The following PRCP variants were observed in gnomAD, a reference collection of about 807,000 sequenced individuals.
The protein encoded by PRCP is prolylcarboxypeptidase, also known as lysosomal Pro-X carboxypeptidase.
PRCP carries 46 observed loss-of-function variants against 54.2 expected under a neutral mutation model. The ratio of observed to expected loss-of-function variants is 0.85; its 90% CI spans 0.67 to 1.09. The LOEUF is 1.09. Among genes scored for constraint, PRCP ranks in the 50% least tolerant of loss-of-function variants. The pLI is 0.00. For missense variants in PRCP, 613 were observed against 596.8 expected (o/e 1.03, Z -0.28); for synonymous variants, 240 against 212.2 (o/e 1.13, Z -1.14).
chr11:82,860,231 G>A (rs1859178127), intron 1 of PRCP, 114 bp from the exon 2 acceptor site: 1 of 684,744 alleles, frequency 1.5e-6, no homozygotes, highest in Admixed American at 4.3e-5. Flanking sequence ...ATAATCACAA[G>A]AAATTTTAAA....
At chr11:82,879,723 TG>T (rs1859700734) in intron 1 of PRCP, among the ~76,000 whole-genome samples, 1 of 152,252 alleles carries the variant, frequency 6.6e-6, no homozygotes, top group Non-Finnish European at 1.5e-5. Flanking sequence ...TTGGTGTGGA[TG>T]TCCTTTCTGT....
intron 3 of PRCP, among the ~76,000 whole-genome samples, chr11:82,852,574 T>A (rs1270849556): frequency 6.6e-6 from 1 of 152,202 alleles, no homozygotes; most frequent in Non-Finnish European, 1.5e-5. Context: ...ATAGTACACG[T>A]GGCAAATTAA....
intron 1 of PRCP, among the ~76,000 whole-genome samples, chr11:82,873,082 A>T (rs1350328681): frequency 3.8e-4 from 45 of 117,476 alleles, no homozygotes; most frequent in African/African-American, 1.3e-3. Flanking sequence ...TTTTTTTTAA[A>T]AAAAAAGAAA....
chr11:82,870,759 T>C (rs1859460475), intron 1 of PRCP, among the ~76,000 whole-genome samples: 1 of 152,178 alleles, frequency 6.6e-6, no homozygotes, highest in Non-Finnish European at 1.5e-5. Flanking sequence ...AGCAGATATT[T>C]ACAACCCAGG....
chr11:82,842,782 G>A (rs1858706424), intron 6 of PRCP, among the ~76,000 whole-genome samples: 1 of 151,866 alleles, frequency 6.6e-6, no homozygotes, highest in African/African-American at 2.4e-5. Flanking sequence ...AAATTTTTTT[G>A]CAAAATATTT....
At chr11:82,883,838 G>A (rs1324232647) in intron 1 of PRCP, among the ~76,000 whole-genome samples, 1 of 152,078 alleles carries the variant, frequency 6.6e-6, no homozygotes, top group East Asian at 1.9e-4. Context: ...AAGGGTTGTT[G>A]TTTTTTTAGA....
intron 1 of PRCP, among the ~76,000 whole-genome samples, chr11:82,899,541 T>A (rs1418586020): frequency 6.6e-6 from 1 of 152,194 alleles, no homozygotes; most frequent in Non-Finnish European, 1.5e-5. Flanking sequence ...TACTTTTCCA[T>A]CAAGACCTGT....
At chr11:82,877,897 G>A (rs565531555) in intron 1 of PRCP, among the ~76,000 whole-genome samples, 5 of 152,150 alleles carry the variant, frequency 3.3e-5, no homozygotes, top group Non-Finnish European at 5.9e-5. Context: ...AGCTTGTACC[G>A]TGAGCCTGGA....
At position 82,854,518 on chromosome 11, in the gene PRCP, T is replaced by C. The variant is rs187904242; in HGVS notation, c.310-1240A>G. Among the ~76,000 whole-genome samples the C allele has an allele frequency of 1.1e-3, 170 of 152,062 alleles. 1 individual carries two copies. The highest frequency in any genetic ancestry group is 3.9e-3 in the African/African-American group (161 of 41,470). On this transcript the variant is annotated intron_variant, in intron 2 of 8. Transcript: ENST00000313010. Reference sequence around the variant, plus strand: ...AGGCATCAGAAACAACACAAAGAAATGGAAAGACATTCCATGTTCATACAT... The same window carrying C: ...AGGCATCAGAAACAACACAAAGAAACGGAAAGACATTCCATGTTCATACAT...
At chr11:82,886,006 TATATAGAGCTATCCAAA>T (rs1404395179) in intron 1 of PRCP, among the ~76,000 whole-genome samples, 4 of 152,166 alleles carry the variant, frequency 2.6e-5, no homozygotes, top group African/African-American at 4.8e-5. Context: ...ACTCAATGAA[TATATAGAGCTATCCAAA>T]ATAACTCATA....
chr11:82,877,864 C>T (rs991389583), intron 1 of PRCP, among the ~76,000 whole-genome samples: 3 of 152,174 alleles, frequency 2.0e-5, no homozygotes, highest in African/African-American at 7.2e-5. Context: ...TCCTCCAGAT[C>T]CCAGAATGGT....
rs772769194 is a variant in PRCP, at chr11:82,849,172, T to C, written c.798A>G (p.Pro266=). The C allele has an allele frequency of 5.0e-6, 8 of 1,614,104 alleles. No homozygotes were observed. In the Admixed American group the frequency reaches 1.3e-4, roughly 27 times the overall value. Residue 266 remains proline (P), a synonymous_variant, in exon 6 of 9, where the codon CCA becomes CCG. Coordinates refer to ENST00000313010, the MANE Select transcript of PRCP (RefSeq NM_005040.4). The stretch of plus-strand genomic sequence containing the variant: ...AATGTTGGATGTCCTGAGAAGTTAA[T>C]GGGCTGCATAAGTGAAGGGCTCCAG... ...WLTGALHLCS[P]LTSQDIQHLK...
chr11:82,824,695 TC>T lies in PRCP; in HGVS notation c.*210del. On this transcript the variant is annotated 3_prime_UTR_variant, in exon 9 of 9. Coordinates refer to ENST00000313010, the MANE Select transcript of PRCP (RefSeq NM_005040.4). ...GTGGGAGAGCTATCAAGAAGATTCT[TC>T]CTAGACGTGGTGCAAAGACAGTGAG... 1.8e-6 allele frequency: 1 copy of T among 554,000 alleles called. No individual in the cohort carries two copies. The highest frequency in any genetic ancestry group is 2.1e-5 in the South Asian group (1 of 48,610). The allele number at this position is 554,000 out of a possible 1,614,324, so 34.3% of individuals were successfully genotyped here. A position where few individuals can be genotyped will look rare whatever the true frequency, so the allele number is the denominator to read the frequency against.
upstream of PRCP, chr11:82,900,542 C>T: frequency 3.3e-6 from 4 of 1,215,534 alleles, no homozygotes; most frequent in Non-Finnish European, 3.5e-6. Context: ...CCAGCCAGCT[C>T]CTCAGAGACG....
chr11:82,875,866 G>A (rs1440582258), intron 1 of PRCP, among the ~76,000 whole-genome samples: 1 of 152,038 alleles, frequency 6.6e-6, no homozygotes, highest in African/African-American at 2.4e-5. Flanking sequence ...TTCCAGCCTC[G>A]TCTTCTACCA....
chr11:82,888,541 T>C (rs1381570202), intron 1 of PRCP, among the ~76,000 whole-genome samples: 1 of 152,220 alleles, frequency 6.6e-6, no homozygotes, highest in Non-Finnish European at 1.5e-5. Flanking sequence ...TCCTCTTGTG[T>C]TCATTCTCCA....
intron 1 of PRCP, among the ~76,000 whole-genome samples, chr11:82,887,151 T>C (rs926316876): frequency 2.6e-5 from 4 of 152,214 alleles, no homozygotes; most frequent in Non-Finnish European, 5.9e-5. Context: ...TCTAGTTCAC[T>C]CCTAATCATC....
chr11:82,860,050 C>CT lies in PRCP; in HGVS notation c.235_236insA (p.Trp79Ter). ...NQRYLVADKYWKKNGGSILFY... is the reference protein window; with the variant it reads ...NQRYLVADKY ...AAGTATTGATCCACCATTTTTCTTCCAGTATTTATCAGCTACTAGGTACCG... is the reference window on the plus strand; with the variant it reads ...AAGTATTGATCCACCATTTTTCTTCCTAGTATTTATCAGCTACTAGGTACCG... Residue 79 changes from tryptophan (W) to a stop codon, truncating the protein, a stop_gained and frameshift_variant, in exon 2 of 9, where the codon TGG (tryptophan) becomes TAGG (stop). Coordinates refer to ENST00000313010, the MANE Select transcript of PRCP (RefSeq NM_005040.4). LOFTEE classifies it high-confidence loss of function. The CT allele has an allele frequency of 6.3e-7, 1 of 1,588,482 alleles. No individual in the cohort carries two copies. The highest frequency in any genetic ancestry group is 8.6e-7 in the Non-Finnish European group (1 of 1,167,958).
At chr11:82,839,028 T>C (rs1858595975) in intron 7 of PRCP, among the ~76,000 whole-genome samples, 1 of 152,212 alleles carries the variant, frequency 6.6e-6, no homozygotes, top group Non-Finnish European at 1.5e-5. Flanking sequence ...CTTTGTATCT[T>C]TGAAACCTAG....
Sources: gnomAD v4.1 joint callset for allele counts (sites outside exome capture counted in the v4.1 genomes callset) on GRCh38, gnomAD v4.1.1 for gene constraint, MANE v1.5 for transcripts, NCBI Gene and HGNC (gene_info 2026-07-23, HGNC 2026-07-21) for gene names.